The following PRKCE variants were observed in gnomAD, a reference collection of about 807,000 sequenced individuals.
PRKCE encodes the protein protein kinase C epsilon type.
Under a neutral mutation model 85.4 loss-of-function variants are expected in PRKCE, and 16 were observed. That is an observed-to-expected ratio of 0.19 (90% confidence interval 0.13 to 0.28). The LOEUF (loss-of-function observed/expected upper bound fraction) is 0.28, where lower values mean the gene tolerates loss of function less well. PRKCE is among the 10% of genes least tolerant of loss of function. The pLI, the probability that PRKCE is intolerant of heterozygous loss-of-function variation, is 1.00. For missense variants in PRKCE, 573 were observed against 975.2 expected (o/e 0.59, Z 5.49); for synonymous variants, 388 against 371.5 (o/e 1.04, Z -0.51).
At chr2:45,665,847 C>T (rs1279495779) in intron 1 of PRKCE, among the ~76,000 whole-genome samples, 1 of 152,152 alleles carries the variant, frequency 6.6e-6, no homozygotes, top group Non-Finnish European at 1.5e-5. Flanking sequence ...TCCCACTACC[C>T]CAATAATGAA....
intron 1 of PRKCE, among the ~76,000 whole-genome samples, chr2:45,706,079 G>T (rs528375858): frequency 6.6e-6 from 1 of 152,196 alleles, no homozygotes; most frequent in Non-Finnish European, 1.5e-5. Context: ...AATTATTTCT[G>T]CCAGAGATTT....
At position 46,001,273 on chromosome 2, in the gene PRKCE, T is replaced by TG; in HGVS notation, c.824-131_824-130insG. 2.2e-6 allele frequency: 1 copy of TG among 450,098 alleles called. No homozygotes were observed. The highest frequency in any genetic ancestry group is 3.1e-6 in the Non-Finnish European group (1 of 317,920). 27.9% of individuals were successfully genotyped at this position (450,098 alleles called of 1,614,324 possible). On this transcript the variant is annotated intron_variant, in intron 6 of 14. Coordinates refer to ENST00000306156, the MANE Select transcript of PRKCE (RefSeq NM_005400.3). This position sits in a 1 kb window ranked among gnomAD's most constrained non-coding sequence, Gnocchi z 4.4. ...AAGACATATATATATATATATATATTTCTGTATTTTCCAAATTATATCTTA... is the reference window on the plus strand; with the variant it reads ...AAGACATATATATATATATATATATTGTCTGTATTTTCCAAATTATATCTTA...
intron 2 of PRKCE, among the ~76,000 whole-genome samples, chr2:45,942,570 G>A (rs970674966): frequency 5.9e-5 from 9 of 152,208 alleles, no homozygotes; most frequent in African/African-American, 1.7e-4. Flanking sequence ...AGGGGATGGC[G>A]TAGGGTGTGC....
intron 1 of PRKCE, among the ~76,000 whole-genome samples, chr2:45,841,224 G>A (rs1691322679): frequency 6.6e-6 from 1 of 152,214 alleles, no homozygotes; most frequent in African/African-American, 2.4e-5. Context: ...TTTATTAGGA[G>A]AATTGACTCA....
chr2:46,028,810 C>T (rs962961880), intron 10 of PRKCE, among the ~76,000 whole-genome samples: 2 of 152,142 alleles, frequency 1.3e-5, no homozygotes, highest in African/African-American at 2.4e-5. Context: ...TGATCCTCTC[C>T]CTCCTCCCCA....
At chr2:45,875,102 T>C (rs1694375281) in intron 2 of PRKCE, among the ~76,000 whole-genome samples, 1 of 152,152 alleles carries the variant, frequency 6.6e-6, no homozygotes, top group African/African-American at 2.4e-5. Flanking sequence ...CCTCAGATGC[T>C]ACAGGAATAG....
chr2:45,831,254 A>C (rs1278346024), intron 1 of PRKCE, among the ~76,000 whole-genome samples: 2 of 152,280 alleles, frequency 1.3e-5, no homozygotes, highest in African/African-American at 4.8e-5. Flanking sequence ...CACCATTTAC[A>C]AAGTCATAAT....
chr2:46,101,752 C>T (rs1414435720), intron 11 of PRKCE, among the ~76,000 whole-genome samples: 1 of 150,664 alleles, frequency 6.6e-6, no homozygotes, highest in African/African-American at 2.4e-5. Context: ...AACTGAAACT[C>T]AGAGACGATG....
chr2:45,652,022 G>A lies in PRKCE; in HGVS notation c.-79G>A. ...GGGGACCCAAGAGTCCCTGTGGCTC[G>A]GAGTGCCGGGCCGTCGGTTCTTCAT... On this transcript the variant is annotated 5_prime_UTR_variant, in exon 1 of 15. Transcript: ENST00000306156. The surrounding 1 kb of genome is among the most constrained non-coding windows in gnomAD (Gnocchi z 7.7). The A allele has an allele frequency of 8.8e-7, 1 of 1,142,458 alleles. No individual in the cohort carries two copies. Among genetic ancestry groups the A allele is most frequent in the South Asian group, 1.5e-5 (1 of 66,576 alleles). The allele number at this position is 1,142,458 out of a possible 1,614,324, so 70.8% of individuals were successfully genotyped here.
chr2:46,069,400 A>T (rs542272228), intron 10 of PRKCE, among the ~76,000 whole-genome samples: 3 of 152,234 alleles, frequency 2.0e-5, no homozygotes, highest in East Asian at 3.9e-4. Context: ...GTAAGTAAGG[A>T]TTTTTTAAAG....
At chr2:45,803,659 G>T (rs1029382806) in intron 1 of PRKCE, among the ~76,000 whole-genome samples, 1 of 152,222 alleles carries the variant, frequency 6.6e-6, no homozygotes, top group Non-Finnish European at 1.5e-5. Context: ...GATGTGGACA[G>T]TCAAGGACTT....
At chr2:45,852,336 A>G (rs1692335431) in intron 2 of PRKCE, among the ~76,000 whole-genome samples, 1 of 152,236 alleles carries the variant, frequency 6.6e-6, no homozygotes, top group Non-Finnish European at 1.5e-5. Context: ...AAACTGTTTA[A>G]AACAGTTAAC....
At chr2:45,838,576 A>G (rs1691086713) in intron 1 of PRKCE, among the ~76,000 whole-genome samples, 1 of 152,088 alleles carries the variant, frequency 6.6e-6, no homozygotes, top group Non-Finnish European at 1.5e-5. Context: ...GAAAGGGTGC[A>G]TACAATACTC....
intron 10 of PRKCE, among the ~76,000 whole-genome samples, chr2:46,070,008 G>T (rs935480983): frequency 6.6e-6 from 1 of 152,204 alleles, no homozygotes; most frequent in East Asian, 1.9e-4. Context: ...TGAGTAGCAC[G>T]TGGGTCCTGG....
intron 2 of PRKCE, among the ~76,000 whole-genome samples, chr2:45,858,034 T>C (rs1692816583): frequency 6.6e-6 from 1 of 152,216 alleles, no homozygotes; most frequent in African/African-American, 2.4e-5. Flanking sequence ...GTGTGCTGTT[T>C]GAAGGCTGAA....
intron 2 of PRKCE, among the ~76,000 whole-genome samples, chr2:45,899,415 C>G (rs1696403768): frequency 6.7e-6 from 1 of 149,554 alleles, no homozygotes; most frequent in Non-Finnish European, 1.5e-5. Flanking sequence ...GAGTCTCACT[C>G]TGTTGCCCAG....
chr2:46,028,655 A>C (rs1236689621), intron 10 of PRKCE, among the ~76,000 whole-genome samples: 1 of 152,228 alleles, frequency 6.6e-6, no homozygotes, highest in Non-Finnish European at 1.5e-5. Flanking sequence ...CAAGAATGAT[A>C]ATAACTGATG....
chr2:46,153,726 T>G (rs951838116), intron 13 of PRKCE, among the ~76,000 whole-genome samples: 2 of 151,148 alleles, frequency 1.3e-5, no homozygotes, highest in Admixed American at 6.6e-5. Context: ...CAGGGCTGCT[T>G]CTTCTTCTTC....
chr2:45,961,937 C>G (rs775474164), intron 2 of PRKCE, among the ~76,000 whole-genome samples: 1 of 152,158 alleles, frequency 6.6e-6, no homozygotes, highest in Non-Finnish European at 1.5e-5. Context: ...TCAGGTGATC[C>G]ACCTGCCTCG....
Sources: allele counts gnomAD v4.1 joint callset (sites outside exome capture counted in the v4.1 genomes callset), GRCh38; gene constraint gnomAD v4.1.1; non-coding constraint Gnocchi (gnomAD v3.1); transcripts MANE v1.5; gene names NCBI Gene and HGNC (gene_info 2026-07-23, HGNC 2026-07-21).